SEMA5A: variants seen among roughly 807,000 people sequenced by gnomAD.
The protein encoded by SEMA5A is semaphorin-5A.
SEMA5A carries 55 observed loss-of-function variants against 135.5 expected under a neutral mutation model. That is an observed-to-expected ratio of 0.41 (90% CI 0.33 to 0.51). The LOEUF (loss-of-function observed/expected upper bound fraction) is 0.51, where lower values mean the gene tolerates loss of function less well. Among genes scored for constraint, SEMA5A ranks in the 20% least tolerant of loss-of-function variants. The probability of loss-of-function intolerance (pLI) is 0.37; values close to 1 mark genes in which losing one functional copy is unlikely to be tolerated. For synonymous variants in SEMA5A, 580 were observed against 546.5 expected (o/e 1.06, Z -0.85); for missense variants, 1,290 against 1,419.9 (o/e 0.91, Z 1.47).
intron 12 of SEMA5A, among the ~76,000 whole-genome samples, chr5:9,139,476 G>T (rs1204785609): frequency 6.6e-6 from 1 of 152,112 alleles, no homozygotes; most frequent in Non-Finnish European, 1.5e-5. Context: ...TTTCCCAATT[G>T]TCTGTTTTCA....
At position 9,155,589 on chromosome 5, in the gene SEMA5A, A is replaced by G. The variant is rs1045882449; in HGVS notation, c.1274-894T>C. ...GAGATCCACTCAAGTACCTGGAATC[A>G]TCCTGAAGGCCCTGACTGAATAAAA... On this transcript the variant is annotated intron_variant, in intron 11 of 22. Transcript: ENST00000382496. Among the ~76,000 whole-genome samples the G allele has an allele frequency of 4.6e-5, 7 of 152,314 alleles. No homozygotes were observed. The South Asian group carries it at 1.4e-3, about 32-fold the overall frequency.
At chr5:9,485,485 G>A (rs190120177) in intron 1 of SEMA5A, among the ~76,000 whole-genome samples, 33 of 152,290 alleles carry the variant, frequency 2.2e-4, no homozygotes, top group Non-Finnish European at 4.1e-4. Flanking sequence ...CAAATGCAAT[G>A]AGCAAACGAA....
intron 11 of SEMA5A, among the ~76,000 whole-genome samples, chr5:9,158,875 A>G (rs1200118491): frequency 6.6e-6 from 1 of 152,302 alleles, no homozygotes; most frequent in East Asian, 1.9e-4. Context: ...ACTTCACTAC[A>G]TATTTGTCTC....
intron 2 of SEMA5A, among the ~76,000 whole-genome samples, chr5:9,433,660 T>C (rs1006348983): frequency 4.7e-5 from 7 of 147,646 alleles, no homozygotes; most frequent in Non-Finnish European, 7.5e-5. Flanking sequence ...TGGCTAATTA[T>C]TGCTTGAAAA....
At chr5:9,448,655 T>A (rs1452871728) in intron 1 of SEMA5A, among the ~76,000 whole-genome samples, 1 of 152,252 alleles carries the variant, frequency 6.6e-6, no homozygotes, top group African/African-American at 2.4e-5. Flanking sequence ...TGAAACTAAA[T>A]CCAGATCTCT....
chr5:9,282,496 A>G (rs1415391886), intron 5 of SEMA5A, among the ~76,000 whole-genome samples: 1 of 152,208 alleles, frequency 6.6e-6, no homozygotes, highest in Admixed American at 6.5e-5. Context: ...AATGTAATGC[A>G]CATGTACAAA....
chr5:9,467,319 G>GGCC (rs1759299046), intron 1 of SEMA5A, among the ~76,000 whole-genome samples: 1 of 151,998 alleles, frequency 6.6e-6, no homozygotes. Flanking sequence ...TCACCATCTT[G>GGCC]GCCAGGCTTG....
rs1033924712 is a variant in SEMA5A, at chr5:9,447,737, T to G, written c.-174-9885A>C. On this transcript the variant is annotated intron_variant, in intron 1 of 22. Transcript: ENST00000382496. Reference sequence around the variant, plus strand: ...ATAAGCTACAACACAACAAACCAGATGGTGTCTTACCTTCCTATAAACACT... The same window carrying G: ...ATAAGCTACAACACAACAAACCAGAGGGTGTCTTACCTTCCTATAAACACT... Among the ~76,000 whole-genome samples, 3 of 152,192 alleles carry G rather than the reference T, an allele frequency of 2.0e-5. No homozygotes were observed. In the South Asian group the frequency reaches 6.2e-4, roughly 32 times the overall value.
rs367735978 is a variant in SEMA5A, at chr5:9,081,627, T to C, written c.2074-14981A>G. 4.5e-4 allele frequency among the ~76,000 whole-genome samples: 68 copies of C among 152,270 alleles called. 1 individual carries two copies. In the South Asian group the frequency reaches 0.013, roughly 30 times the overall value. Reference sequence around the variant, plus strand: ...AATGGTACATAGGCAATTTGAGGTGTTGATGAAAGTCCTGCAAGTTATCTA... The same window carrying C: ...AATGGTACATAGGCAATTTGAGGTGCTGATGAAAGTCCTGCAAGTTATCTA... On this transcript the variant is annotated intron_variant, in intron 16 of 22. Transcript: ENST00000382496.
intron 3 of SEMA5A, among the ~76,000 whole-genome samples, chr5:9,352,094 C>G (rs1445974887): frequency 3.9e-4 from 52 of 132,234 alleles, no homozygotes; most frequent in South Asian, 1.1e-3. Flanking sequence ...TGTAACAGGT[C>G]GGGGGGGTTA....
chr5:9,118,463 G>T (rs148832478), intron 15 of SEMA5A, among the ~76,000 whole-genome samples: 1 of 152,274 alleles, frequency 6.6e-6, no homozygotes, highest in Non-Finnish European at 1.5e-5. Flanking sequence ...TGTGCTGAAA[G>T]CTCAAAATAC....
chr5:9,109,422 G>C (rs1579410387), intron 15 of SEMA5A, among the ~76,000 whole-genome samples: 1 of 152,176 alleles, frequency 6.6e-6, no homozygotes, highest in East Asian at 1.9e-4. Flanking sequence ...GAAACAGCCT[G>C]GCATTCTACA....
chr5:9,498,786 A>C (rs1232726500), intron 1 of SEMA5A: 2 of 152,156 alleles, frequency 1.3e-5, no homozygotes, highest in Non-Finnish European at 2.9e-5. Context: ...TCAAGACTGC[A>C]TACCTGGAAT....
At chr5:9,290,202 C>G (rs1450786956) in intron 5 of SEMA5A, among the ~76,000 whole-genome samples, 2 of 152,102 alleles carry the variant, frequency 1.3e-5, no homozygotes, top group Non-Finnish European at 2.9e-5. Flanking sequence ...TCCCTCACCC[C>G]CTCCCACCCT....
chr5:9,371,089 G>A (rs1755116825), intron 3 of SEMA5A, among the ~76,000 whole-genome samples: 1 of 151,968 alleles, frequency 6.6e-6, no homozygotes, highest in African/African-American at 2.4e-5. Context: ...CAATCAAATT[G>A]CACAACTTTA....
chr5:9,334,288 A>C (rs530365173), intron 4 of SEMA5A, among the ~76,000 whole-genome samples: 6 of 152,334 alleles, frequency 3.9e-5, no homozygotes, highest in African/African-American at 1.4e-4. Flanking sequence ...TGAAATATAC[A>C]CCTGTTATCT....
At chr5:9,301,772 C>T (rs34947431) in intron 5 of SEMA5A, among the ~76,000 whole-genome samples, 1,674 of 152,206 alleles carry the variant, frequency 0.011, 23 homozygotes, top group Middle Eastern at 0.061. Flanking sequence ...GACCTGCCCA[C>T]CTGCAATATA....
intron 1 of SEMA5A, among the ~76,000 whole-genome samples, chr5:9,542,467 C>G (rs898978892): frequency 3.7e-4 from 57 of 152,146 alleles, no homozygotes; most frequent in African/African-American, 1.4e-3. Context: ...TATAAATTTG[C>G]AAGTAGATGC....
chr5:9,359,155 C>CA (rs1406365197), intron 3 of SEMA5A, among the ~76,000 whole-genome samples: 2 of 152,164 alleles, frequency 1.3e-5, no homozygotes, highest in Non-Finnish European at 2.9e-5. Context: ...CTCCTCCCCC[C>CA]ACCAGCTAGA....
Sources: allele counts gnomAD v4.1 joint callset (sites outside exome capture counted in the v4.1 genomes callset), GRCh38; gene constraint gnomAD v4.1.1; transcripts MANE v1.5; gene names NCBI Gene and HGNC (gene_info 2026-07-23, HGNC 2026-07-21).